Variants in KLHL5 observed in about 807,000 individuals in gnomAD.
KLHL5 encodes the protein kelch like family member 5.
Under a neutral mutation model 77.7 loss-of-function variants are expected in KLHL5, and 48 were observed. The ratio of observed to expected loss-of-function variants is 0.62; its 90% CI spans 0.49 to 0.79. KLHL5 has a LOEUF of 0.79. Among genes scored for constraint, KLHL5 ranks in the 30% least tolerant of loss-of-function variants. The probability of loss-of-function intolerance (pLI) is 0.00; values close to 1 mark genes in which losing one functional copy is unlikely to be tolerated. For missense variants in KLHL5, 723 were observed against 859.7 expected (o/e 0.84, Z 1.99); for synonymous variants, 260 against 297.0 (o/e 0.88, Z 1.28).
At chr4:39,141,140 G>A in the KLHL5 span, among the ~76,000 whole-genome samples, 16 of 152,058 alleles carry the variant, frequency 1.1e-4, no homozygotes, top group African/African-American at 3.6e-4. Context: ...AACTTTTAAA[G>A]TTTAAACTTA....
rs1384062799 is a variant in KLHL5, at chr4:39,123,903, A to C, written c.*2837A>C. Among the ~76,000 whole-genome samples, 1 of 152,198 alleles carries C rather than the reference A, an allele frequency of 6.6e-6. No individual in the cohort carries two copies. Among genetic ancestry groups the C allele is most frequent in the Non-Finnish European group, 1.5e-5 (1 of 68,022 alleles). ...ATCCCAAATAGGAAGAAGTAAAACTACATTTGCAGAAAACATGGTCCTATA... is the reference window on the plus strand; with the variant it reads ...ATCCCAAATAGGAAGAAGTAAAACTCCATTTGCAGAAAACATGGTCCTATA... On this transcript the variant is annotated 3_prime_UTR_variant, in exon 11 of 11. Coordinates refer to ENST00000504108, the MANE Select transcript of KLHL5 (RefSeq NM_015990.5).
At position 39,121,253 on chromosome 4, in the gene KLHL5, A is replaced by G. The variant is rs531134112; in HGVS notation, c.*187A>G. On this transcript the variant is annotated 3_prime_UTR_variant, in exon 11 of 11. Transcript: ENST00000504108. ...GGATGGACCAGGATTAATTCCTTTC[A>G]TTTCTTAGTAAATTAAAACCTGCAG... 1.7e-6 allele frequency: 1 copy of G among 586,244 alleles called. No homozygotes were observed. The highest frequency in any genetic ancestry group is 3.0e-5 in the Admixed American group (1 of 33,306). 36.3% of individuals were successfully genotyped at this position (586,244 alleles called of 1,614,324 possible).
intron 2 of KLHL5, among the ~76,000 whole-genome samples, chr4:39,077,838 A>G (rs1415957147): frequency 9.2e-5 from 14 of 152,188 alleles, no homozygotes; most frequent in Admixed American, 9.2e-4. Flanking sequence ...AGTTTATAGC[A>G]CCACAATTTT....
chr4:39,049,624 G>C (rs1716476237), intron 1 of KLHL5, among the ~76,000 whole-genome samples: 2 of 151,990 alleles, frequency 1.3e-5, no homozygotes, highest in South Asian at 2.1e-4. Flanking sequence ...ATTTGTGCTT[G>C]GCAGGTCAAG....
intron 7 of KLHL5, among the ~76,000 whole-genome samples, chr4:39,106,469 A>G (rs759675139): frequency 3.9e-5 from 6 of 152,316 alleles, no homozygotes; most frequent in East Asian, 1.9e-4. Flanking sequence ...GTTATATTCT[A>G]TTGAGTGCCC....
In KLHL5 at chr4:39,125,909, T is replaced by C. The variant is rs1723513388; in HGVS notation, c.*4843T>C. ...GTCATAACAATAGCATTCTGTACGC[T>C]TCACTAGGATAAAAACTTCGGATTT... On this transcript the variant is annotated 3_prime_UTR_variant, in exon 11 of 11. Coordinates refer to ENST00000504108, the MANE Select transcript of KLHL5 (RefSeq NM_015990.5). Among the ~76,000 whole-genome samples the C allele has an allele frequency of 6.6e-6, 1 of 152,234 alleles. No homozygotes were observed. Among genetic ancestry groups the C allele is most frequent in the South Asian group, 2.1e-4 (1 of 4,832 alleles).
chr4:39,093,281 T>G, intron 5 of KLHL5: 3 of 429,948 alleles, frequency 7.0e-6, no homozygotes, highest in South Asian at 3.4e-5. Context: ...TGATTCTCTG[T>G]ATATGAAATG....
Position 39,048,909 on chromosome 4 carries a change from T to C in KLHL5, c.-95+3813T>C, listed in dbSNP as rs141842059. 6.4e-3 allele frequency among the ~76,000 whole-genome samples: 978 copies of C among 152,274 alleles called. 2 individuals carry two copies. The highest frequency in any genetic ancestry group is 0.011 in the Non-Finnish European group (769 of 68,018). On this transcript the variant is annotated intron_variant, in intron 1 of 11. Transcript: ENST00000261425. ...CACCTGCCTCAGCCTCCCAAAGTGCTGGGATTACAGGTGTGAACCACCGCG... is the reference window on the plus strand; with the variant it reads ...CACCTGCCTCAGCCTCCCAAAGTGCCGGGATTACAGGTGTGAACCACCGCG...
At chr4:39,119,548 G>A (rs1203678675) in intron 10 of KLHL5, among the ~76,000 whole-genome samples, 2 of 152,194 alleles carry the variant, frequency 1.3e-5, no homozygotes, top group African/African-American at 4.8e-5. Flanking sequence ...ATGTGCCATT[G>A]CACTCCAGCC....
At position 39,125,785 on chromosome 4, in the gene KLHL5, T is replaced by C. The variant is rs968482887; in HGVS notation, c.*4719T>C. ...ACTTATTGGGGATGATTGCACAACA[T>C]GGTGAAGGTACTCAATGTCACTAAT... On this transcript the variant is annotated 3_prime_UTR_variant, in exon 11 of 11. Transcript: ENST00000504108. Among the ~76,000 whole-genome samples, 3 of 152,198 alleles carry C rather than the reference T, an allele frequency of 2.0e-5. No individual in the cohort carries two copies. Among genetic ancestry groups the C allele is most frequent in the African/African-American group, 7.2e-5 (3 of 41,448 alleles).
Position 39,121,268 on chromosome 4 carries a change from A to G in KLHL5, c.*202A>G. 1.7e-6 allele frequency: 1 copy of G among 574,728 alleles called. No homozygotes were observed. The highest frequency in any genetic ancestry group is 3.1e-6 in the Non-Finnish European group (1 of 323,448). The allele number at this position is 574,728 out of a possible 1,614,324, so 35.6% of individuals were successfully genotyped here. The stretch of plus-strand genomic sequence containing the variant: ...AATTCCTTTCATTTCTTAGTAAATT[A>G]AAACCTGCAGCTGGTGGATTGTGAT... On this transcript the variant is annotated 3_prime_UTR_variant, in exon 11 of 11. Coordinates refer to ENST00000504108, the MANE Select transcript of KLHL5 (RefSeq NM_015990.5).
chr4:39,071,404 T>C (rs1361488985), intron 1 of KLHL5, among the ~76,000 whole-genome samples: 1 of 152,180 alleles, frequency 6.6e-6, no homozygotes, highest in Non-Finnish European at 1.5e-5. Context: ...TAAAACTTCT[T>C]TTGAAAAATT....
intron 1 of KLHL5, among the ~76,000 whole-genome samples, chr4:39,051,714 CAAACAAA>C (rs1465689463): frequency 1.1e-4 from 1 of 9,248 alleles, no homozygotes; most frequent in Non-Finnish European, 2.3e-4. Context: ...AAAGAAAAAA[CAAACAAA>C]CAAACAAACA....
At chr4:39,100,598 A>G (rs984800970) in intron 6 of KLHL5, among the ~76,000 whole-genome samples, 1 of 152,200 alleles carries the variant, frequency 6.6e-6, no homozygotes, top group Non-Finnish European at 1.5e-5. Flanking sequence ...TTAGACAACT[A>G]ATTAGTGATA....
At chr4:39,073,140 A>G (rs951761184) in intron 1 of KLHL5, among the ~76,000 whole-genome samples, 1 of 152,170 alleles carries the variant, frequency 6.6e-6, no homozygotes, top group African/African-American at 2.4e-5. Flanking sequence ...CCTCCGACCT[A>G]TTGAATCAGT....
chr4:39,053,273 T>C (rs1014133583), intron 1 of KLHL5, among the ~76,000 whole-genome samples: 10 of 152,220 alleles, frequency 6.6e-5, no homozygotes, highest in African/African-American at 2.4e-4. Context: ...CAGAATCAAG[T>C]TGATCTGTGA....
At chr4:39,064,875 A>G (rs1717743145) in intron 1 of KLHL5, among the ~76,000 whole-genome samples, 1 of 152,216 alleles carries the variant, frequency 6.6e-6, no homozygotes, top group Admixed American at 6.5e-5. Flanking sequence ...TTAAAAATCT[A>G]AAATAAATGA....
rs189299140 is a variant in KLHL5, at chr4:39,078,525, T to C, written c.566+2378T>C. On this transcript the variant is annotated intron_variant, in intron 2 of 10. Transcript: ENST00000504108. Reference sequence around the variant, plus strand: ...GCCTGGCCAACATGGCAAAGCCCCATCTCTACTAAAAATACAAAAACTAGC... The same window carrying C: ...GCCTGGCCAACATGGCAAAGCCCCACCTCTACTAAAAATACAAAAACTAGC... 4.0e-3 allele frequency among the ~76,000 whole-genome samples: 610 copies of C among 152,128 alleles called. 4 individuals carry two copies. Among genetic ancestry groups the C allele is most frequent in the African/African-American group, 0.014 (582 of 41,520 alleles).
At position 39,091,514 on chromosome 4, in the gene KLHL5, T is replaced by A. The variant is rs1720547019; in HGVS notation, c.1113+4787T>A. Among the ~76,000 whole-genome samples the A allele has an allele frequency of 3.9e-5, 6 of 152,328 alleles. No individual in the cohort carries two copies. The South Asian group carries it at 1.2e-3, about 32-fold the overall frequency. On this transcript the variant is annotated intron_variant, in intron 5 of 10. Coordinates refer to ENST00000504108, the MANE Select transcript of KLHL5 (RefSeq NM_015990.5). ...ATTTAAAAGATTTTGACACCTAAAT[T>A]ATGAACGTTTTCAATGTTTAGCCTG...
Sources: gnomAD v4.1 joint callset for allele counts (sites outside exome capture counted in the v4.1 genomes callset) on GRCh38, gnomAD v4.1.1 for gene constraint, MANE v1.5 for transcripts, NCBI Gene and HGNC (gene_info 2026-07-23, HGNC 2026-07-21) for gene names.